Variants in TRHDE observed in about 807,000 individuals in gnomAD.
TRHDE encodes thyrotropin releasing hormone degrading enzyme.
A neutral mutation model predicts 125.7 loss-of-function variants in TRHDE; 72 were observed. That is an observed-to-expected ratio of 0.57 (90% CI 0.47 to 0.70). The LOEUF is 0.70. TRHDE is among the 30% of genes least tolerant of loss of function. The pLI is 0.00. For missense variants in TRHDE, 1,110 were observed against 1,327.1 expected, an observed-to-expected ratio of 0.84 and a Z score of 2.54; for synonymous variants, 509 against 509.1, an observed-to-expected ratio of 1.00 and a Z score of 0.00.
intron 3 of TRHDE, among the ~76,000 whole-genome samples, chr12:72,451,609 G>C (rs750138071): frequency 4.0e-5 from 6 of 151,840 alleles, no homozygotes; most frequent in Non-Finnish European, 8.8e-5. Context: ...GTTCAAAATT[G>C]GTTTGGATAT....
intron 2 of TRHDE, among the ~76,000 whole-genome samples, chr12:72,231,792 G>A (rs1223900534): frequency 2.0e-5 from 3 of 152,160 alleles, no homozygotes. Flanking sequence ...GGGACAACTG[G>A]AGTTAGGCTA....
At chr12:72,409,812 T>C (rs1873418089) in intron 3 of TRHDE, among the ~76,000 whole-genome samples, 1 of 152,130 alleles carries the variant, frequency 6.6e-6, no homozygotes, top group Non-Finnish European at 1.5e-5. Context: ...CTTAAAATGA[T>C]AATAATGTAC....
intron 2 of TRHDE, among the ~76,000 whole-genome samples, chr12:72,308,628 T>C (rs1050493287): frequency 9.9e-5 from 15 of 152,226 alleles, no homozygotes; most frequent in African/African-American, 3.4e-4. Context: ...GTTATATCAG[T>C]AGCTGTAAAA....
intron 2 of TRHDE, among the ~76,000 whole-genome samples, chr12:72,136,749 T>C (rs949767938): frequency 2.6e-5 from 4 of 152,046 alleles, no homozygotes; most frequent in Admixed American, 2.6e-4. Flanking sequence ...GCTAGGAGGG[T>C]AGTCGTTGTA....
intron 3 of TRHDE, among the ~76,000 whole-genome samples, chr12:72,448,248 T>C (rs1035412742): frequency 6.6e-5 from 10 of 152,070 alleles, no homozygotes; most frequent in Non-Finnish European, 2.9e-5. Flanking sequence ...CATCATAGAT[T>C]TGTGCATTTA....
intron 12 of TRHDE, among the ~76,000 whole-genome samples, chr12:72,586,701 G>C (rs1414677028): frequency 6.6e-6 from 1 of 151,128 alleles, no homozygotes; most frequent in African/African-American, 2.4e-5. Flanking sequence ...GAGGTTTCCT[G>C]TTGCTCAGCT....
At chr12:72,522,796 G>A (rs548283482) in intron 6 of TRHDE, among the ~76,000 whole-genome samples, 44 of 152,206 alleles carry the variant, frequency 2.9e-4, no homozygotes, top group African/African-American at 9.9e-4. Flanking sequence ...ACCCGATGGA[G>A]AATTTAGGAA....
intron 2 of TRHDE, among the ~76,000 whole-genome samples, chr12:72,236,157 T>A (rs1163861749): frequency 6.6e-6 from 1 of 152,214 alleles, no homozygotes. Flanking sequence ...TCTTTTGGTA[T>A]GTTTTTAAAT....
intron 12 of TRHDE, among the ~76,000 whole-genome samples, chr12:72,610,453 T>C (rs1263213491): frequency 6.6e-6 from 1 of 152,184 alleles, no homozygotes; most frequent in Non-Finnish European, 1.5e-5. Flanking sequence ...TTGAGTTTGC[T>C]CTCCGTAGCA....
rs1868492593 is a variant in TRHDE at position 72,530,482 on chromosome 12, A to G, written c.1723-11809A>G. 4.6e-5 allele frequency among the ~76,000 whole-genome samples: 4 copies of G among 87,652 alleles called. No individual in the cohort carries two copies. The South Asian group carries it at 1.4e-3, about 31-fold the overall frequency. The allele number at this position is 87,652 out of a possible 152,430, so 57.5% of individuals were successfully genotyped here. ...TGGCCATTTCTTTTTCATCTCTTTG[A>G]GGAACTTAATTACTTTTCTCAACCT... On this transcript the variant is annotated intron_variant, in intron 6 of 18. Transcript: ENST00000261180.
At chr12:72,582,033 C>T (rs989971729) in intron 12 of TRHDE, among the ~76,000 whole-genome samples, 4 of 131,826 alleles carry the variant, frequency 3.0e-5, no homozygotes, top group Non-Finnish European at 4.6e-5. Flanking sequence ...ACCCAGGAGG[C>T]GGAACTTGTA....
At chr12:72,542,442 G>A in intron 7 of TRHDE, 86 bp downstream of exon 7, 4 of 1,090,624 alleles carry the variant, frequency 3.7e-6, no homozygotes, top group African/African-American at 1.6e-5. Flanking sequence ...CAAAATTGCT[G>A]AACTTGGTGG....
chr12:72,238,123 G>C (rs922024429), intron 2 of TRHDE, among the ~76,000 whole-genome samples: 1 of 151,192 alleles, frequency 6.6e-6, no homozygotes, highest in African/African-American at 2.4e-5. Flanking sequence ...GACTTGACTT[G>C]TGTTTGAAAA....
Position 72,507,583 on chromosome 12 carries a change from C to T in TRHDE, c.1722+7948C>T, listed in dbSNP as rs1307583079. On this transcript the variant is annotated intron_variant, in intron 6 of 18. Transcript: ENST00000261180. The stretch of plus-strand genomic sequence containing the variant: ...TGTGTTCTCATATGTGTGAGATGAT[C>T]TGAAATTGTATGAAACTGGAACTTA... Among the ~76,000 whole-genome samples the T allele has an allele frequency of 6.6e-5, 10 of 152,242 alleles. No individual in the cohort carries two copies. The South Asian group carries it at 8.3e-4, about 13-fold the overall frequency.
chr12:72,516,937 G>A (rs558554499), intron 6 of TRHDE, among the ~76,000 whole-genome samples: 123 of 151,746 alleles, frequency 8.1e-4, no homozygotes, highest in African/African-American at 2.1e-3. Context: ...GTTTATATGC[G>A]GATTACATTT....
intron 5 of TRHDE, among the ~76,000 whole-genome samples, chr12:72,485,421 C>T (rs749257650): frequency 6.6e-6 from 1 of 152,172 alleles, no homozygotes; most frequent in Non-Finnish European, 1.5e-5. Flanking sequence ...CTGCTCCAGC[C>T]TCTGCATTCC....
At chr12:72,297,115 T>C (rs1880330842) in intron 2 of TRHDE, among the ~76,000 whole-genome samples, 1 of 152,026 alleles carries the variant, frequency 6.6e-6, no homozygotes, top group Non-Finnish European at 1.5e-5. Flanking sequence ...TGTAGGGAGA[T>C]TGAACTTGGG....
intron 2 of TRHDE, among the ~76,000 whole-genome samples, chr12:72,351,910 C>T (rs958291256): frequency 6.6e-6 from 1 of 151,852 alleles, no homozygotes; most frequent in Non-Finnish European, 1.5e-5. Flanking sequence ...GAGTTTTGCA[C>T]ATATGCTTCT....
chr12:72,176,558 GT>G (rs1426756849), intron 2 of TRHDE, among the ~76,000 whole-genome samples: 1 of 152,206 alleles, frequency 6.6e-6, no homozygotes, highest in Non-Finnish European at 1.5e-5. Context: ...TGCTATCTCA[GT>G]TAGTTAAAAC....
Sources: allele counts gnomAD v4.1 joint callset (sites outside exome capture counted in the v4.1 genomes callset), GRCh38; gene constraint gnomAD v4.1.1; transcripts MANE v1.5; gene names NCBI Gene and HGNC (gene_info 2026-07-23, HGNC 2026-07-21).